FAM234A: variants seen among roughly 807,000 people sequenced by gnomAD.
FAM234A encodes the protein protein FAM234A.
Under a neutral mutation model 49.1 loss-of-function variants are expected in FAM234A, and 42 were observed. That is an observed-to-expected ratio of 0.86 (90% CI 0.67 to 1.11). The LOEUF is 1.11. FAM234A is among the 50% of genes least tolerant of loss of function. FAM234A has a pLI of 0.00. For synonymous variants in FAM234A, 369 were observed against 316.2 expected, an observed-to-expected ratio of 1.17 and a Z score of -1.77; for missense variants, 815 against 745.2, an observed-to-expected ratio of 1.09 and a Z score of -1.09.
At chr16:258,096 C>T (rs2051309999) in intron 3 of FAM234A, among the ~76,000 whole-genome samples, 2 of 152,008 alleles carry the variant, frequency 1.3e-5, no homozygotes, top group Admixed American at 6.6e-5. Flanking sequence ...CCTTGTGATC[C>T]ACCCGCCTCG....
In FAM234A at chr16:264,066, C is replaced by T. The variant is rs2051593486; in HGVS notation, c.1239C>T (p.Leu413=). ...GTGAVLCSLA[L]PSLPGGPLSA... ...GAGCCGTCCTGTGTAGCCTAGCCCT[C>T]CCGAGCCTCCCTGGGGGTCCACTGT... The change falls in exon 11 of 13, where the codon CTC becomes CTT. Residue 413 remains leucine, a synonymous_variant. Coordinates refer to ENST00000399932, the MANE Select transcript of FAM234A (RefSeq NM_032039.4). 1 of 1,613,044 alleles carries T rather than the reference C, an allele frequency of 6.2e-7. No individual in the cohort carries two copies. The highest frequency in any genetic ancestry group is 1.7e-5 in the Admixed American group (1 of 59,998).
At chr16:252,142 C>A (rs1278557047) in intron 2 of FAM234A, among the ~76,000 whole-genome samples, 1 of 150,840 alleles carries the variant, frequency 6.6e-6, no homozygotes, top group African/African-American at 2.4e-5. Flanking sequence ...GCATTACAGG[C>A]ATGAGCCACC....
intron 1 of FAM234A, among the ~76,000 whole-genome samples, chr16:244,068 A>T (rs565079439): frequency 4.6e-5 from 7 of 151,332 alleles, no homozygotes; most frequent in Non-Finnish European, 7.4e-5. Flanking sequence ...TCCCAGGTTC[A>T]CACCATTCTC....
chr16:260,954 G>A (rs2051440798), intron 5 of FAM234A, among the ~76,000 whole-genome samples: 1 of 152,164 alleles, frequency 6.6e-6, no homozygotes, highest in Non-Finnish European at 1.5e-5. Context: ...GCTGGGGCCT[G>A]CATGGCACCA....
At chr16:264,308 ATGAGGTGGTGCAAGC>A (rs1355419753) in intron 11 of FAM234A, 137 bp downstream of exon 11, 13 of 1,008,006 alleles carry the variant, frequency 1.3e-5, no homozygotes, top group African/African-American at 3.3e-5. Context: ...GACAGTCAGG[ATGAGGTGGTGCAAGC>A]TGAGGCAAAG....
chr16:243,943 G>A (rs977072265), intron 1 of FAM234A, among the ~76,000 whole-genome samples: 2 of 151,706 alleles, frequency 1.3e-5, no homozygotes, highest in South Asian at 4.2e-4. Context: ...GTGCATATCC[G>A]TTTTTTCCCC....
chr16:239,903 C>A (rs2050552199), intron 1 of FAM234A, among the ~76,000 whole-genome samples: 1 of 152,066 alleles, frequency 6.6e-6, no homozygotes, highest in African/African-American at 2.4e-5. Flanking sequence ...GTCATGGAAC[C>A]ATGATCTTTA....
chr16:265,372 C>T lies in FAM234A; in HGVS notation c.*350C>T, dbSNP rs1214195152. 1.3e-5 allele frequency: 14 copies of T among 1,061,544 alleles called. No individual in the cohort carries two copies. The highest frequency in any genetic ancestry group is 1.6e-5 in the Non-Finnish European group (14 of 878,766). 65.8% of individuals were successfully genotyped at this position (1,061,544 alleles called of 1,614,324 possible). On this transcript the variant is annotated 3_prime_UTR_variant, in exon 13 of 13. Transcript: ENST00000399932. ...GCAGCACCCCATCCTTACCCGGTGC[C>T]CTCTCCTTGCCAGCTTCTCCCCAGG...
chr16:251,688 T>G (rs1333745458), intron 2 of FAM234A, among the ~76,000 whole-genome samples: 1 of 134,864 alleles, frequency 7.4e-6, no homozygotes, highest in Non-Finnish European at 1.5e-5. Context: ...GGTTTTTTTT[T>G]TTTTTTTTTT....
At chr16:256,888 A>G (rs1324269326) in intron 3 of FAM234A, among the ~76,000 whole-genome samples, 5 of 151,862 alleles carry the variant, frequency 3.3e-5, no homozygotes, top group African/African-American at 7.3e-5. Flanking sequence ...AACTACAGGC[A>G]TGTGCCACCA....
At chr16:267,606 CCA>C (rs2051728991), downstream of FAM234A, among the ~76,000 whole-genome samples, 2 of 150,284 alleles carry the variant, frequency 1.3e-5, no homozygotes, top group South Asian at 2.1e-4. Context: ...TGCGTACACA[CCA>C]CACGTGTGCC....
intron 2 of FAM234A, among the ~76,000 whole-genome samples, chr16:250,654 T>C (rs2050967369): frequency 1.3e-5 from 2 of 152,096 alleles, no homozygotes; most frequent in Admixed American, 1.3e-4. Context: ...TCACAGCATT[T>C]TGTAACCATC....
chr16:243,498 T>C (rs2050690517), intron 1 of FAM234A, among the ~76,000 whole-genome samples: 1 of 152,194 alleles, frequency 6.6e-6, no homozygotes, highest in Non-Finnish European at 1.5e-5. Context: ...ATGACCGCAG[T>C]AGAGAAAAAC....
intron 1 of FAM234A, among the ~76,000 whole-genome samples, chr16:248,993 C>T (rs2050907979): frequency 6.6e-6 from 1 of 151,940 alleles, no homozygotes; most frequent in Admixed American, 6.6e-5. Context: ...TAGTAATTGT[C>T]TTGCAGGGTC....
At chr16:239,832 A>G (rs1345074203) in intron 1 of FAM234A, among the ~76,000 whole-genome samples, 9 of 152,138 alleles carry the variant, frequency 5.9e-5, no homozygotes, top group Non-Finnish European at 1.3e-4. Context: ...TCTGCAAAGG[A>G]AAGGAACTTG....
intron 1 of FAM234A, among the ~76,000 whole-genome samples, chr16:245,278 A>AG (rs1226009982): frequency 6.6e-6 from 1 of 152,142 alleles, no homozygotes; most frequent in Non-Finnish European, 1.5e-5. Flanking sequence ...ACCCAGCAGG[A>AG]GGAGGTTGCA....
chr16:244,132 C>T (rs1318036935), intron 1 of FAM234A, among the ~76,000 whole-genome samples: 1 of 152,068 alleles, frequency 6.6e-6, no homozygotes, highest in African/African-American at 2.4e-5. Context: ...CCACGCCCGG[C>T]TAATTTTTTC....
chr16:264,497 G>A, intron 11 of FAM234A, 117 bp from the exon 12 acceptor site: 1 of 809,960 alleles, frequency 1.2e-6, no homozygotes, highest in Non-Finnish European at 2.0e-6. Context: ...TGGCATTTGG[G>A]GGACCCAGAT....
At chr16:242,699 G>GC (rs1274000419) in intron 1 of FAM234A, among the ~76,000 whole-genome samples, 5 of 148,992 alleles carry the variant, frequency 3.4e-5, no homozygotes, top group South Asian at 2.1e-4. Context: ...TGCAACCTCT[G>GC]CCCCCCGGGT....
Sources: gnomAD v4.1 joint callset for allele counts (sites outside exome capture counted in the v4.1 genomes callset) on GRCh38, gnomAD v4.1.1 for gene constraint, MANE v1.5 for transcripts, NCBI Gene and HGNC (gene_info 2026-07-23, HGNC 2026-07-21) for gene names.